FHIT: variants seen among roughly 807,000 people sequenced by gnomAD.
FHIT encodes bis(5'-adenosyl)-triphosphatase.
Under a neutral mutation model 17.9 loss-of-function variants are expected in FHIT, and 19 were observed. The ratio of observed to expected loss-of-function variants is 1.06; its 90% CI spans 0.74 to 1.56. The LOEUF (loss-of-function observed/expected upper bound fraction) is 1.56, where lower values mean the gene tolerates loss of function less well. FHIT is among the 40% of genes most tolerant of loss of function. The pLI is 0.00. For synonymous variants in FHIT, 81 were observed against 69.7 expected, an observed-to-expected ratio of 1.16 and a Z score of -0.81; for missense variants, 248 against 189.2, an observed-to-expected ratio of 1.31 and a Z score of -1.82.
At chr3:60,835,386 T>G (rs1443223179) in intron 3 of FHIT, among the ~76,000 whole-genome samples, 1 of 152,180 alleles carries the variant, frequency 6.6e-6, no homozygotes, top group Admixed American at 6.5e-5. Flanking sequence ...TATTTACATT[T>G]TTAAAATTTA....
At chr3:60,781,773 T>G (rs1408840259) in intron 4 of FHIT, among the ~76,000 whole-genome samples, 2 of 152,156 alleles carry the variant, frequency 1.3e-5, no homozygotes. Flanking sequence ...ATGAAAGAGG[T>G]AGGACACCAA....
At chr3:60,079,737 T>A (rs1022338917) in intron 5 of FHIT, among the ~76,000 whole-genome samples, 1 of 152,130 alleles carries the variant, frequency 6.6e-6, no homozygotes, top group Non-Finnish European at 1.5e-5. Context: ...TTTTAAGTTT[T>A]TCCTCCAACT....
At chr3:60,193,100 A>T (rs1031640176) in intron 5 of FHIT, among the ~76,000 whole-genome samples, 4 of 152,230 alleles carry the variant, frequency 2.6e-5, no homozygotes, top group African/African-American at 9.6e-5. Context: ...AAAATTTAAA[A>T]TCCTCAACCA....
chr3:60,329,655 C>T (rs1345812791), intron 5 of FHIT, among the ~76,000 whole-genome samples: 4 of 152,196 alleles, frequency 2.6e-5, no homozygotes, highest in African/African-American at 9.6e-5. Flanking sequence ...TCTACCTATT[C>T]CATCTGCATT....
intron 4 of FHIT, among the ~76,000 whole-genome samples, chr3:60,549,441 C>T (rs749692436): frequency 1.3e-5 from 2 of 152,162 alleles, no homozygotes; most frequent in Admixed American, 6.5e-5. Context: ...AACATTTATG[C>T]ATCTCTTTGA....
At chr3:61,128,817 A>G (rs1315100079) in intron 2 of FHIT, among the ~76,000 whole-genome samples, 1 of 151,922 alleles carries the variant, frequency 6.6e-6, no homozygotes, top group East Asian at 1.9e-4. Context: ...TGGAAGATTC[A>G]AGGTTATCTA....
chr3:60,536,996 T>C lies in FHIT; in HGVS notation c.-17-17A>G, dbSNP rs763509063. The C allele has an allele frequency of 2.5e-6, 4 of 1,583,454 alleles. No homozygotes were observed. The highest frequency in any genetic ancestry group is 4.5e-5 in the East Asian group (2 of 44,548). On this transcript the variant is annotated splice_polypyrimidine_tract_variant and intron_variant, in intron 4 of 9. Transcript: ENST00000492590. ...AGTTGAAGTCTAAAAGAAAAGACAA[T>C]GGATAGTTATAAAATTCAATTAAGA... is the stretch of plus-strand genomic sequence containing the variant.
intron 8 of FHIT, among the ~76,000 whole-genome samples, chr3:59,875,356 G>T (rs553453401): frequency 6.6e-6 from 1 of 152,210 alleles, no homozygotes; most frequent in Admixed American, 6.5e-5. Context: ...TCCCAGGGAA[G>T]ACATTGCCCC....
At chr3:60,474,626 A>T (rs1183381309) in intron 5 of FHIT, among the ~76,000 whole-genome samples, 1 of 145,660 alleles carries the variant, frequency 6.9e-6, no homozygotes, top group Non-Finnish European at 1.5e-5. Flanking sequence ...ACACAATACA[A>T]TTTTTTTTTT....
chr3:61,176,947 G>A lies in FHIT; in HGVS notation c.-164+23670C>T, dbSNP rs150740697. On this transcript the variant is annotated intron_variant, in intron 2 of 9. Coordinates refer to ENST00000492590, the MANE Select transcript of FHIT (RefSeq NM_002012.4). ...CCCCAGAACTTTGGGAGGCCGAGGC[G>A]GGCAGATCACGAGGTAAGGAGATCG... 4.1e-3 allele frequency among the ~76,000 whole-genome samples: 626 copies of A among 152,228 alleles called. 4 individuals are homozygous for A. Among genetic ancestry groups the A allele is most frequent in the African/African-American group, 0.014 (592 of 41,526 alleles).
intron 3 of FHIT, among the ~76,000 whole-genome samples, chr3:60,937,586 T>C (rs1708247267): frequency 8.7e-6 from 1 of 115,538 alleles, no homozygotes; most frequent in African/African-American, 3.0e-5. Context: ...TTTTTTGAGA[T>C]GGAGTCTCAC....
At chr3:60,740,990 G>A (rs989656445) in intron 4 of FHIT, among the ~76,000 whole-genome samples, 4 of 152,152 alleles carry the variant, frequency 2.6e-5, no homozygotes, top group Non-Finnish European at 5.9e-5. Flanking sequence ...CATCACAGAA[G>A]CATTCACTCT....
chr3:61,084,654 T>G (rs1355315979), intron 2 of FHIT, among the ~76,000 whole-genome samples: 1 of 152,230 alleles, frequency 6.6e-6, no homozygotes, highest in Non-Finnish European at 1.5e-5. Context: ...TGGTAACTTT[T>G]TAAATACATT....
chr3:60,614,308 G>A (rs1486863237), intron 4 of FHIT, among the ~76,000 whole-genome samples: 2 of 152,152 alleles, frequency 1.3e-5, no homozygotes, highest in African/African-American at 4.8e-5. Flanking sequence ...CATGTTCTAA[G>A]ACTTAAGAAT....
At chr3:60,828,499 C>A (rs1553741614) in intron 3 of FHIT, among the ~76,000 whole-genome samples, 1 of 152,060 alleles carries the variant, frequency 6.6e-6, no homozygotes, top group Non-Finnish European at 1.5e-5. Context: ...GTGATCTAAT[C>A]CTCCTGGAAG....
chr3:60,746,595 G>C (rs1005649056), intron 4 of FHIT, among the ~76,000 whole-genome samples: 1 of 152,188 alleles, frequency 6.6e-6, no homozygotes, highest in Non-Finnish European at 1.5e-5. Flanking sequence ...AAGGAAGAGA[G>C]AGTAAGAAGG....
intron 8 of FHIT, among the ~76,000 whole-genome samples, chr3:59,863,328 A>G (rs989018206): frequency 1.3e-5 from 2 of 152,166 alleles, no homozygotes; most frequent in Non-Finnish European, 1.5e-5. Context: ...CCTCTAAATT[A>G]TTGGTGGTTT....
intron 5 of FHIT, among the ~76,000 whole-genome samples, chr3:60,019,012 G>C (rs1305313005): frequency 6.6e-6 from 1 of 152,060 alleles, no homozygotes. Flanking sequence ...AACCAACATT[G>C]ATAGGTTTTA....
intron 5 of FHIT, among the ~76,000 whole-genome samples, chr3:60,288,566 A>AGTGTGTGTGTGTGT (rs139336094): frequency 3.2e-4 from 47 of 144,664 alleles, no homozygotes; most frequent in South Asian, 3.0e-3. Flanking sequence ...GTTCTGGCAC[A>AGTGTGTGTGTGTGT]GTGTGTGTGT....
Sources: gnomAD v4.1 joint callset for allele counts (sites outside exome capture counted in the v4.1 genomes callset) on GRCh38, gnomAD v4.1.1 for gene constraint, MANE v1.5 for transcripts, NCBI Gene and HGNC (gene_info 2026-07-23, HGNC 2026-07-21) for gene names.